Variants in TENM2 observed in about 807,000 individuals in gnomAD.
TENM2 encodes teneurin transmembrane protein 2.
TENM2 carries 52 observed loss-of-function variants against 245.2 expected under a neutral mutation model. That is an observed-to-expected ratio of 0.21 (90% CI 0.17 to 0.27). TENM2 has a LOEUF of 0.27. TENM2 is among the 10% of genes least tolerant of loss of function. TENM2 has a pLI of 1.00. For missense variants in TENM2, 3,046 were observed against 3,666.8 expected, an observed-to-expected ratio of 0.83 and a Z score of 4.37; for synonymous variants, 1,363 against 1,438.9, an observed-to-expected ratio of 0.95 and a Z score of 1.19.
chr5:167,009,788 A>C, the TENM2 span, among the ~76,000 whole-genome samples: 1 of 152,158 alleles, frequency 6.6e-6, no homozygotes. Context: ...TGCACTTCTG[A>C]AATGTTGGAA....
At chr5:167,988,635 T>A (rs1783425995) in intron 4 of TENM2, among the ~76,000 whole-genome samples, 1 of 152,008 alleles carries the variant, frequency 6.6e-6, no homozygotes, top group African/African-American at 2.4e-5. Context: ...AGCAAAAGGA[T>A]AATATGATGG....
At chr5:168,019,440 C>T (rs1785949702) in intron 5 of TENM2, among the ~76,000 whole-genome samples, 1 of 152,092 alleles carries the variant, frequency 6.6e-6, no homozygotes. Context: ...AGAACAATGG[C>T]AGGGCAGGCA....
chr5:167,901,015 T>C (rs1365322039), intron 3 of TENM2, among the ~76,000 whole-genome samples: 1 of 146,424 alleles, frequency 6.8e-6, no homozygotes, highest in East Asian at 1.9e-4. Context: ...CCTTGAATTT[T>C]TTTTCATTAA....
At chr5:168,233,747 T>C (rs1217780386) in intron 25 of TENM2, among the ~76,000 whole-genome samples, 2 of 152,156 alleles carry the variant, frequency 1.3e-5, no homozygotes, top group South Asian at 2.1e-4. Flanking sequence ...GAAGTTTAAT[T>C]GGACTTACTT....
At chr5:168,256,463 T>C (rs1047398303) in intron 27 of TENM2, among the ~76,000 whole-genome samples, 2 of 150,842 alleles carry the variant, frequency 1.3e-5, no homozygotes, top group African/African-American at 2.4e-5. Flanking sequence ...TCTTGCTCTG[T>C]TGCCCAAGCT....
the TENM2 span, among the ~76,000 whole-genome samples, chr5:167,134,975 C>A: frequency 6.6e-6 from 1 of 152,162 alleles, no homozygotes; most frequent in Non-Finnish European, 1.5e-5. Context: ...AAGGCCTTAG[C>A]CTTATTCATT....
chr5:167,358,803 GCACACACA>G (rs58530155), intron 1 of TENM2, among the ~76,000 whole-genome samples: 14,344 of 143,758 alleles, frequency 0.1, 807 homozygotes, highest in East Asian at 0.11. Context: ...ATTCTGATCT[GCACACACA>G]CACACACACA....
At chr5:167,034,206 A>G in the TENM2 span, among the ~76,000 whole-genome samples, 5 of 152,342 alleles carry the variant, frequency 3.3e-5, no homozygotes, top group African/African-American at 1.2e-4. Context: ...GGCTTGAGGC[A>G]TGATAGATTC....
intron 3 of TENM2, among the ~76,000 whole-genome samples, chr5:167,887,596 G>A (rs778029231): frequency 2.0e-5 from 3 of 152,246 alleles, no homozygotes; most frequent in Non-Finnish European, 2.9e-5. Flanking sequence ...GAAGGACAGA[G>A]AGGTGTGAAT....
At chr5:167,545,222 G>A (rs1268357899) in intron 2 of TENM2, among the ~76,000 whole-genome samples, 1 of 152,078 alleles carries the variant, frequency 6.6e-6, no homozygotes, top group Admixed American at 6.6e-5. Flanking sequence ...TTGTTCTTAG[G>A]TTGTCCTAAA....
exon 10 of TENM2, chr5:168,118,359 C>A: frequency 6.2e-7 from 1 of 1,611,508 alleles, no homozygotes; most frequent in Non-Finnish European, 8.5e-7. Flanking sequence ...GCTACAGCGG[C>A]TGGAAAGGTG....
At chr5:167,007,411 A>C in the TENM2 span, among the ~76,000 whole-genome samples, 1 of 152,232 alleles carries the variant, frequency 6.6e-6, no homozygotes, top group Non-Finnish European at 1.5e-5. This position sits in a 1 kb window ranked among gnomAD's most constrained non-coding sequence, Gnocchi z 4.2. Context: ...CTTTTGCCTT[A>C]CTGGCTGTTG....
chr5:167,752,982 T>G (rs1373024810), intron 2 of TENM2, among the ~76,000 whole-genome samples: 2 of 152,202 alleles, frequency 1.3e-5, no homozygotes, highest in African/African-American at 2.4e-5. Context: ...AACACATTTT[T>G]TAGCCAAGGG....
At chr5:167,540,758 A>T (rs1355384330) in intron 2 of TENM2, among the ~76,000 whole-genome samples, 2 of 152,202 alleles carry the variant, frequency 1.3e-5, no homozygotes, top group African/African-American at 2.4e-5. Context: ...GTGATTTAAA[A>T]TTTCTAAGCT....
chr5:167,272,826 A>G, the TENM2 span, among the ~76,000 whole-genome samples: 1 of 152,160 alleles, frequency 6.6e-6, no homozygotes, highest in African/African-American at 2.4e-5. Flanking sequence ...CTGGGGTGTG[A>G]TCAAAGACCA....
chr5:167,879,666 A>G lies in TENM2; in HGVS notation c.712+3471A>G, dbSNP rs981700772. Among the ~76,000 whole-genome samples, 10 of 152,306 alleles carry G rather than the reference A, an allele frequency of 6.6e-5. No individual in the cohort carries two copies. The East Asian group carries it at 1.7e-3, about 26-fold the overall frequency. On this transcript the variant is annotated intron_variant, in intron 3 of 28. Transcript: ENST00000518659. The stretch of plus-strand genomic sequence containing the variant: ...ACTGGCTTTCCTCTACCTGTGAAAC[A>G]TTGAGGTTTTTTTTAAAGTTTAAAT...
At chr5:167,720,982 A>T (rs536378619) in intron 2 of TENM2, among the ~76,000 whole-genome samples, 4 of 152,234 alleles carry the variant, frequency 2.6e-5, no homozygotes, top group Non-Finnish European at 5.9e-5. Context: ...ATGCCAGTGT[A>T]CTGGGAAATA....
intron 1 of TENM2, among the ~76,000 whole-genome samples, chr5:167,307,253 G>C (rs2127746559): frequency 6.6e-6 from 1 of 152,302 alleles, no homozygotes; most frequent in Admixed American, 6.5e-5. Context: ...GACAGCAGAG[G>C]CTGTGGGCAA....
rs375506663 is a variant in TENM2 at position 168,200,177 on chromosome 5, G to A, written c.3430+46G>A. The A allele has an allele frequency of 5.1e-6, 8 of 1,553,516 alleles. No homozygotes were observed. In the African/African-American group the frequency reaches 1.1e-4, roughly 21 times the overall value. On this transcript the variant is annotated intron_variant, in intron 17 of 28. Transcript: ENST00000518659. ...CTTATTGATCAATGGATTTAGTCAT[G>A]TGTTAATTCGACCCATATTTATTGA...
Sources: gnomAD v4.1 joint callset for allele counts (sites outside exome capture counted in the v4.1 genomes callset) on GRCh38, gnomAD v4.1.1 for gene constraint, Gnocchi (gnomAD v3.1) non-coding constraint, MANE v1.5 for transcripts, NCBI Gene and HGNC (gene_info 2026-07-23, HGNC 2026-07-21) for gene names.